The following KCNH5 variants were observed in gnomAD, a reference collection of about 807,000 sequenced individuals.
KCNH5 encodes the protein voltage-gated delayed rectifier potassium channel KCNH5.
In KCNH5, 46 loss-of-function variants were observed where a neutral mutation model predicts 96.1. The ratio of observed to expected loss-of-function variants is 0.48; its 90% CI spans 0.38 to 0.61. The LOEUF is 0.61. KCNH5 is among the 20% of genes least tolerant of loss of function. The pLI, the probability that KCNH5 is intolerant of heterozygous loss-of-function variation, is 0.00. For missense variants in KCNH5, 907 were observed against 1,225.8 expected (o/e 0.74, Z 3.88); for synonymous variants, 439 against 449.8 (o/e 0.98, Z 0.30).
At chr14:63,000,958 C>A (rs1312554180) in intron 4 of KCNH5, among the ~76,000 whole-genome samples, 2 of 151,990 alleles carry the variant, frequency 1.3e-5, no homozygotes, top group Non-Finnish European at 2.9e-5. Context: ...ACCTATAGTC[C>A]CAGCTACTCA....
At position 63,016,883 on chromosome 14, in the gene KCNH5, T is replaced by C. The variant is rs1412451594; in HGVS notation, c.145A>G (p.Lys49Glu). ...TCAGCTCGATGATATCCAGAGAGTT[T>C]ACAAAAACCGTCATTACTATAAACT... is the stretch of plus-strand genomic sequence containing the variant. The part of the protein sequence containing the change: ...PVVYSNDGFC[K>E]LSGYHRADVM... Residue 49 changes from lysine to glutamate, a missense_variant, in exon 2 of 11, where the codon AAA becomes GAA. Transcript: ENST00000322893. 6.2e-7 allele frequency: 1 copy of C among 1,611,420 alleles called. No individual in the cohort carries two copies. Among genetic ancestry groups the C allele is most frequent in the Non-Finnish European group, 8.5e-7 (1 of 1,178,446 alleles).
At chr14:62,892,471 G>C (rs1888729740) in intron 7 of KCNH5, among the ~76,000 whole-genome samples, 1 of 152,226 alleles carries the variant, frequency 6.6e-6, no homozygotes, top group South Asian at 2.1e-4. Context: ...GGTGAAGCAA[G>C]TGCTGATGAA....
At chr14:62,729,177 C>T (rs1474826029) in intron 10 of KCNH5, among the ~76,000 whole-genome samples, 1 of 152,156 alleles carries the variant, frequency 6.6e-6, no homozygotes, top group African/African-American at 2.4e-5. Flanking sequence ...TCTTCTTCCT[C>T]TTCCTGATTC....
At chr14:62,763,175 T>G (rs1342022776) in intron 10 of KCNH5, among the ~76,000 whole-genome samples, 1 of 152,078 alleles carries the variant, frequency 6.6e-6, no homozygotes, top group Admixed American at 6.5e-5. Flanking sequence ...TCAAAAAAAC[T>G]GAAAACATAT....
chr14:62,961,527 T>C (rs1172562610), intron 6 of KCNH5, among the ~76,000 whole-genome samples: 1 of 152,104 alleles, frequency 6.6e-6, no homozygotes, highest in Non-Finnish European at 1.5e-5. Flanking sequence ...GGGAATGAGG[T>C]AACAGGCAAT....
At chr14:62,849,109 T>C (rs1197757167) in intron 8 of KCNH5, among the ~76,000 whole-genome samples, 2 of 152,062 alleles carry the variant, frequency 1.3e-5, no homozygotes, top group Non-Finnish European at 2.9e-5. Flanking sequence ...TACCAGATGA[T>C]TGGAGAGGGA....
intron 9 of KCNH5, among the ~76,000 whole-genome samples, chr14:62,792,898 T>C (rs1487129290): frequency 6.6e-6 from 1 of 151,728 alleles, no homozygotes; most frequent in Non-Finnish European, 1.5e-5. Context: ...ACAACCCCAG[T>C]ATTTATCAGC....
At chr14:62,923,352 T>C (rs1889414163) in intron 7 of KCNH5, among the ~76,000 whole-genome samples, 1 of 151,920 alleles carries the variant, frequency 6.6e-6, no homozygotes, top group Admixed American at 6.6e-5. Flanking sequence ...ACATCCCATG[T>C]TCACAGATTG....
intron 3 of KCNH5, among the ~76,000 whole-genome samples, chr14:63,005,387 A>C (rs950200695): frequency 1.3e-5 from 2 of 152,248 alleles, no homozygotes; most frequent in African/African-American, 2.4e-5. Context: ...AAATGTTTCA[A>C]GTAAATGGAG....
At chr14:62,962,224 C>T (rs1193939582) in intron 6 of KCNH5, among the ~76,000 whole-genome samples, 1 of 152,120 alleles carries the variant, frequency 6.6e-6, no homozygotes, top group African/African-American at 2.4e-5. Context: ...CAAATACAAC[C>T]TCCTTGTTTC....
At chr14:62,803,761 T>C (rs1886711306) in intron 8 of KCNH5, among the ~76,000 whole-genome samples, 1 of 152,298 alleles carries the variant, frequency 6.6e-6, no homozygotes, top group East Asian at 1.9e-4. Context: ...CAAGATGTGA[T>C]TGCGGAAGTT....
chr14:62,763,092 T>G (rs1248989093), intron 10 of KCNH5, among the ~76,000 whole-genome samples: 3 of 152,108 alleles, frequency 2.0e-5, no homozygotes, highest in Non-Finnish European at 1.5e-5. Context: ...GAATATACAA[T>G]TCTCCTCATC....
At chr14:62,952,512 T>C (rs1394371501) in intron 6 of KCNH5, among the ~76,000 whole-genome samples, 2 of 152,058 alleles carry the variant, frequency 1.3e-5, no homozygotes, top group East Asian at 3.9e-4. Flanking sequence ...ATAATCGAAA[T>C]ACATGAAAAA....
intron 10 of KCNH5, among the ~76,000 whole-genome samples, chr14:62,715,233 T>C (rs897675327): frequency 6.6e-6 from 1 of 152,212 alleles, no homozygotes; most frequent in African/African-American, 2.4e-5. Flanking sequence ...GAATCATTTG[T>C]TTAATGTCAT....
chr14:62,940,846 C>T (rs142567147), intron 7 of KCNH5, among the ~76,000 whole-genome samples: 274 of 152,268 alleles, frequency 1.8e-3, no homozygotes, highest in Middle Eastern at 3.4e-3. Context: ...ATGGGCACAA[C>T]CATCAAGTAG....
intron 1 of KCNH5, among the ~76,000 whole-genome samples, chr14:63,025,598 A>G (rs2139617464): frequency 7.1e-6 from 1 of 141,272 alleles, no homozygotes; most frequent in South Asian, 2.4e-4. Flanking sequence ...AATCAAGAAA[A>G]CAATACCATT....
At chr14:63,023,303 T>C (rs1891464806) in intron 1 of KCNH5, among the ~76,000 whole-genome samples, 1 of 152,294 alleles carries the variant, frequency 6.6e-6, no homozygotes, top group Admixed American at 6.5e-5. Flanking sequence ...TGATTTCTCA[T>C]TGCCTAGCAC....
intron 8 of KCNH5, among the ~76,000 whole-genome samples, chr14:62,812,845 T>A (rs1367964509): frequency 1.3e-5 from 2 of 152,212 alleles, no homozygotes; most frequent in East Asian, 3.8e-4. Flanking sequence ...ACTATTTTAT[T>A]TCTTGCTATA....
At chr14:62,871,440 A>G (rs1595664097) in intron 7 of KCNH5, among the ~76,000 whole-genome samples, 1 of 152,232 alleles carries the variant, frequency 6.6e-6, no homozygotes, top group Non-Finnish European at 1.5e-5. Context: ...GTATTAAGCT[A>G]TATCGATTGA....
Sources: gnomAD v4.1 joint callset for allele counts (sites outside exome capture counted in the v4.1 genomes callset) on GRCh38, gnomAD v4.1.1 for gene constraint, MANE v1.5 for transcripts, NCBI Gene and HGNC (gene_info 2026-07-23, HGNC 2026-07-21) for gene names.